The following LSM6 variants were observed in gnomAD, a reference collection of about 807,000 sequenced individuals.
LSM6 encodes U6 snRNA-associated Sm-like protein LSm6.
In LSM6, 2 loss-of-function variants were observed where a neutral mutation model predicts 13.5. That is an observed-to-expected ratio of 0.15 (90% CI 0.06 to 0.47). The LOEUF is 0.47. Ranked by LOEUF, LSM6 falls within the 20% of genes least tolerant of loss-of-function variation. The probability of loss-of-function intolerance (pLI) is 0.97; values close to 1 mark genes in which losing one functional copy is unlikely to be tolerated. For synonymous variants in LSM6, 43 were observed against 34.9 expected, an observed-to-expected ratio of 1.23 and a Z score of -0.82; for missense variants, 58 against 96.4, an observed-to-expected ratio of 0.60 and a Z score of 1.67.
intron 3 of LSM6, among the ~76,000 whole-genome samples, chr4:146,188,134 TA>T (rs1730388309): frequency 6.6e-6 from 1 of 152,226 alleles, no homozygotes; most frequent in Admixed American, 6.5e-5. Context: ...TCCTGACTTT[TA>T]TAATAAGAGT....
chr4:146,189,559 C>G (rs770030536), intron 3 of LSM6, 63 bp from the exon 4 acceptor site: 1 of 1,034,302 alleles, frequency 9.7e-7, no homozygotes, highest in Non-Finnish European at 1.5e-6. Context: ...TTTAAACTTG[C>G]TACTATGTAT....
chr4:146,176,027 T>A (rs1375505026), intron 1 of LSM6: 2 of 152,182 alleles, frequency 1.3e-5, no homozygotes, highest in Non-Finnish European at 2.9e-5. Flanking sequence ...TCTCCGCGCA[T>A]GGAATGGCTG....
chr4:146,178,997 CT>C (rs981583197), intron 1 of LSM6, among the ~76,000 whole-genome samples: 5 of 152,038 alleles, frequency 3.3e-5, no homozygotes, highest in Admixed American at 2.0e-4. Context: ...AATAAAAGTT[CT>C]TTTTTTTCTT....
chr4:146,176,164 C>T (rs1730102842), intron 1 of LSM6: 1 of 152,340 alleles, frequency 6.6e-6, no homozygotes, highest in African/African-American at 2.4e-5. Context: ...TTGAAGTTCC[C>T]CAGGGAGCCC....
intron 1 of LSM6, among the ~76,000 whole-genome samples, 172 bp from the exon 2 acceptor site, chr4:146,182,736 TAGTA>T (rs1314783350): frequency 1.3e-5 from 2 of 152,262 alleles, no homozygotes; most frequent in East Asian, 1.9e-4. Context: ...ATCTGGCTCA[TAGTA>T]AGTACTGAAA....
At position 146,190,172 on chromosome 4, in the gene LSM6, G is replaced by A. The variant is rs1730439338; in HGVS notation, c.*516G>A. 1.3e-5 allele frequency: 2 copies of A among 152,770 alleles called. No homozygotes were observed. Among genetic ancestry groups the A allele is most frequent in the South Asian group, 4.1e-4 (2 of 4,848 alleles). The allele number at this position is 152,770 out of a possible 1,614,324, so 9.5% of individuals were successfully genotyped here. ...AGGATCAGAAGTTCAGCCACTGATT[G>A]AGTCACCTAAATAAAAAACAGAATT... On this transcript the variant is annotated 3_prime_UTR_variant, in exon 4 of 4. Transcript: ENST00000296581.
At chr4:146,185,641 G>GT (rs1481531738) in intron 2 of LSM6, among the ~76,000 whole-genome samples, 19 of 150,364 alleles carry the variant, frequency 1.3e-4, no homozygotes, top group East Asian at 1.9e-4. Flanking sequence ...CCCCTGGGCA[G>GT]TTTTTTTGTT....
At chr4:146,178,670 C>CT (rs1730165849) in intron 1 of LSM6, among the ~76,000 whole-genome samples, 1 of 152,232 alleles carries the variant, frequency 6.6e-6, no homozygotes, top group African/African-American at 2.4e-5. Flanking sequence ...TTCATGTCTT[C>CT]TGCTCAGTGG....
intron 3 of LSM6, among the ~76,000 whole-genome samples, chr4:146,188,468 G>A (rs1198143532): frequency 1.3e-5 from 2 of 152,114 alleles, no homozygotes; most frequent in African/African-American, 2.4e-5. Flanking sequence ...CATTTCCCAT[G>A]ATGTAATCAG....
rs1442045344 is a variant in LSM6 at position 146,190,535 on chromosome 4, G to C, written c.*879G>C. ...AAGAATTTTTCCTAACTCTGGTCTAGCAAGTGGCTGTAGGGAGGCCTTTCT... is the reference window on the plus strand; with the variant it reads ...AAGAATTTTTCCTAACTCTGGTCTACCAAGTGGCTGTAGGGAGGCCTTTCT... On this transcript the variant is annotated 3_prime_UTR_variant, in exon 4 of 4. Coordinates refer to ENST00000296581, the MANE Select transcript of LSM6 (RefSeq NM_007080.3). 1 of 152,212 alleles carries C rather than the reference G, an allele frequency of 6.6e-6. No individual in the cohort carries two copies. Among genetic ancestry groups the C allele is most frequent in the African/African-American group, 2.4e-5 (1 of 41,440 alleles). 9.4% of individuals were successfully genotyped at this position (152,212 alleles called of 1,614,324 possible).
In LSM6 at chr4:146,189,715, A is replaced by G. The variant is rs1043097495; in HGVS notation, c.*59A>G. 45 of 1,358,160 alleles carry G rather than the reference A, an allele frequency of 3.3e-5. 1 individual carries two copies. The highest frequency in any genetic ancestry group is 1.1e-4 in the Admixed American group (5 of 45,466). The allele number at this position is 1,358,160 out of a possible 1,614,324, so 84.1% of individuals were successfully genotyped here. ...ATATATTTTTTTATGAATTTTTTCT[A>G]ATTTTTGCTTCTTTTGTGATACAAT... is the stretch of plus-strand genomic sequence containing the variant. On this transcript the variant is annotated 3_prime_UTR_variant, in exon 4 of 4. Coordinates refer to ENST00000296581, the MANE Select transcript of LSM6 (RefSeq NM_007080.3).
At chr4:146,178,873 C>T (rs1265100667) in intron 1 of LSM6, among the ~76,000 whole-genome samples, 1 of 152,214 alleles carries the variant, frequency 6.6e-6, no homozygotes, top group Admixed American at 6.5e-5. Context: ...AGAAGGGCAG[C>T]TGTACCTGTG....
intron 3 of LSM6, among the ~76,000 whole-genome samples, chr4:146,189,054 A>G (rs543143229): frequency 2.6e-4 from 39 of 149,898 alleles, no homozygotes; most frequent in African/African-American, 9.6e-4. Context: ...TAGTTGTGCA[A>G]TCTCAGCTCA....
At position 146,183,029 on chromosome 4, in the gene LSM6, G is replaced by A. The variant is rs1162934247; in HGVS notation, c.94+14G>A. On this transcript the variant is annotated intron_variant, in intron 2 of 3. Transcript: ENST00000296581. ...TGGATTATCGAGGTAATATTTTCAT[G>A]TTTCAACCTCACTGGTATAACTGAA... 6.6e-7 allele frequency: 1 copy of A among 1,523,806 alleles called. No homozygotes were observed. Among genetic ancestry groups the A allele is most frequent in the East Asian group, 2.3e-5 (1 of 44,380 alleles). The allele number at this position is 1,523,806 out of a possible 1,614,324, so 94.4% of individuals were successfully genotyped here.
intron 2 of LSM6, among the ~76,000 whole-genome samples, chr4:146,185,662 C>CTTGTTTGT (rs140691955): frequency 6.6e-6 from 1 of 150,984 alleles, no homozygotes; most frequent in African/African-American, 2.4e-5. Context: ...GTTGTTGTTG[C>CTTGTTTGT]TTGTTTGTTT....
At position 146,190,961 on chromosome 4, in the gene LSM6, TTTGTC is replaced by T. The variant is rs1730457699; in HGVS notation, c.*1309_*1313del. The T allele has an allele frequency of 1.3e-5, 2 of 152,144 alleles. No individual in the cohort carries two copies. The highest frequency in any genetic ancestry group is 6.5e-5 in the Admixed American group (1 of 15,288). The allele number at this position is 152,144 out of a possible 1,614,324, so 9.4% of individuals were successfully genotyped here. On this transcript the variant is annotated 3_prime_UTR_variant, in exon 4 of 4. Transcript: ENST00000296581. Reference sequence around the variant, plus strand: ...GATTCTGGAGAGGTGTATGTAGTGTTTTGTCTTGGTTTATTTTAAAGATCAGAGAG... The same window carrying T: ...GATTCTGGAGAGGTGTATGTAGTGTTTTGGTTTATTTTAAAGATCAGAGAG...
intron 1 of LSM6, among the ~76,000 whole-genome samples, chr4:146,178,935 G>GT (rs559592765): frequency 1.7e-4 from 26 of 152,260 alleles, no homozygotes; most frequent in African/African-American, 6.3e-4. Flanking sequence ...ACCTCACAGG[G>GT]TTTCTCTGTA....
rs749633198 is a variant in LSM6, at chr4:146,191,435, G to T, written c.*1779G>T. 1 of 152,166 alleles carries T rather than the reference G, an allele frequency of 6.6e-6. No homozygotes were observed. The highest frequency in any genetic ancestry group is 1.5e-5 in the Non-Finnish European group (1 of 68,040). 9.4% of individuals were successfully genotyped at this position (152,166 alleles called of 1,614,324 possible). A position where few individuals can be genotyped will look rare whatever the true frequency, so the allele number is the denominator to read the frequency against. ...ATCTCTCTAGTTTAATAGCTCTACAGTGGAGTACTGTTTTCAACCATGGAA... is the reference window on the plus strand; with the variant it reads ...ATCTCTCTAGTTTAATAGCTCTACATTGGAGTACTGTTTTCAACCATGGAA... On this transcript the variant is annotated 3_prime_UTR_variant, in exon 4 of 4. Coordinates refer to ENST00000296581, the MANE Select transcript of LSM6 (RefSeq NM_007080.3).
Position 146,191,385 on chromosome 4 carries a change from T to C in LSM6, c.*1729T>C, listed in dbSNP as rs997879030. On this transcript the variant is annotated 3_prime_UTR_variant, in exon 4 of 4. Transcript: ENST00000296581. ...TTCTTCCCTGACCTCGCCTTTGATA[T>C]ATAAGTCTTTATTTTCCCCTTGCCA... 6.6e-6 allele frequency: 1 copy of C among 152,236 alleles called. No individual in the cohort carries two copies. Among genetic ancestry groups the C allele is most frequent in the Non-Finnish European group, 1.5e-5 (1 of 68,042 alleles). 9.4% of individuals were successfully genotyped at this position (152,236 alleles called of 1,614,324 possible). A position where few individuals can be genotyped will look rare whatever the true frequency, so the allele number is the denominator to read the frequency against.
Sources: gnomAD v4.1 joint callset for allele counts (sites outside exome capture counted in the v4.1 genomes callset) on GRCh38, gnomAD v4.1.1 for gene constraint, MANE v1.5 for transcripts, NCBI Gene and HGNC (gene_info 2026-07-23, HGNC 2026-07-21) for gene names.